Variants in APBB1IP observed in about 807,000 individuals in gnomAD.
APBB1IP encodes amyloid beta A4 precursor protein-binding family B member 1-interacting protein.
Under a neutral mutation model 64.9 loss-of-function variants are expected in APBB1IP, and 27 were observed. The observed-to-expected ratio is 0.42, with a 90% CI of 0.31 to 0.57. APBB1IP has a LOEUF of 0.57. Ranked by LOEUF, APBB1IP falls within the 20% of genes least tolerant of loss-of-function variation. APBB1IP has a pLI of 0.20. For synonymous variants in APBB1IP, 392 were observed against 331.0 expected, an observed-to-expected ratio of 1.18 and a Z score of -2.00; for missense variants, 812 against 845.5, an observed-to-expected ratio of 0.96 and a Z score of 0.49.
chr10:26,451,009 C>T lies in APBB1IP; in HGVS notation c.-1+12156C>T, dbSNP rs185380803. 5.2e-4 allele frequency among the ~76,000 whole-genome samples: 79 copies of T among 152,180 alleles called. No homozygotes were observed. In the East Asian group the frequency reaches 0.013, roughly 24 times the overall value. On this transcript the variant is annotated intron_variant, in intron 2 of 14. Coordinates refer to ENST00000376236, the MANE Select transcript of APBB1IP (RefSeq NM_019043.4). Reference sequence around the variant, plus strand: ...CCGTGCCTGGCCTAGAACTCAGATTCTGTTTCAAGCAATGAGATGCAGGTG... The same window carrying T: ...CCGTGCCTGGCCTAGAACTCAGATTTTGTTTCAAGCAATGAGATGCAGGTG...
chr10:26,487,617 G>A (rs747283739), intron 2 of APBB1IP, among the ~76,000 whole-genome samples: 13 of 152,142 alleles, frequency 8.5e-5, no homozygotes, highest in Admixed American at 2.0e-4. Context: ...ATTTTCACCA[G>A]ATGAATGCAG....
At chr10:26,551,447 G>C (rs549872540) in intron 11 of APBB1IP, among the ~76,000 whole-genome samples, 1 of 152,202 alleles carries the variant, frequency 6.6e-6, no homozygotes, top group East Asian at 1.9e-4. Context: ...GTCCAGCGGG[G>C]CTTCCCAGTC....
Position 26,567,726 on chromosome 10 carries a change from TGCCTAAAGC to T in APBB1IP, c.*241_*249del. On this transcript the variant is annotated 3_prime_UTR_variant, in exon 15 of 15. Coordinates refer to ENST00000376236, the MANE Select transcript of APBB1IP (RefSeq NM_019043.4). ...ATGGAATGTATCTTCCCTTCCAAGC[TGCCTAAAGC>T]GCTGTTTTAGGTTCATTTATTTTAT... 2.1e-6 allele frequency: 2 copies of T among 960,614 alleles called. No homozygotes were observed. The highest frequency in any genetic ancestry group is 2.7e-6 in the Non-Finnish European group (2 of 734,436). 59.5% of individuals were successfully genotyped at this position (960,614 alleles called of 1,614,324 possible).
intron 8 of APBB1IP, among the ~76,000 whole-genome samples, chr10:26,525,949 G>T (rs939215745): frequency 1.3e-5 from 2 of 152,136 alleles, no homozygotes; most frequent in Admixed American, 6.5e-5. Context: ...CTGGGTATAG[G>T]GTGGGCGCCT....
chr10:26,565,078 G>T (rs1320251100), intron 14 of APBB1IP, among the ~76,000 whole-genome samples: 1 of 152,154 alleles, frequency 6.6e-6, no homozygotes, highest in East Asian at 1.9e-4. Context: ...TTGTGCCTAC[G>T]TTTGCACAAA....
intron 2 of APBB1IP, among the ~76,000 whole-genome samples, chr10:26,448,018 G>A (rs748516572): frequency 3.8e-4 from 57 of 151,556 alleles, no homozygotes; most frequent in African/African-American, 1.2e-4. Flanking sequence ...GATTATTTTT[G>A]GATATTTCAT....
chr10:26,522,742 C>A (rs919534140), intron 8 of APBB1IP, among the ~76,000 whole-genome samples: 1 of 151,908 alleles, frequency 6.6e-6, no homozygotes, highest in African/African-American at 2.4e-5. Context: ...GGAGGCCAGG[C>A]ACAGTGGCTC....
chr10:26,468,169 T>C (rs1238792286), intron 2 of APBB1IP, among the ~76,000 whole-genome samples: 1 of 152,228 alleles, frequency 6.6e-6, no homozygotes, highest in African/African-American at 2.4e-5. Flanking sequence ...ATGCTCTTAA[T>C]AGCTAACTTC....
At chr10:26,560,951 A>G (rs894119296) in intron 13 of APBB1IP, 107 bp downstream of exon 13, 5 of 728,780 alleles carry the variant, frequency 6.9e-6, no homozygotes, top group Non-Finnish European at 1.0e-5. Context: ...AGCATTCAGA[A>G]TATGTTTCTC....
intron 8 of APBB1IP, among the ~76,000 whole-genome samples, chr10:26,531,520 AGCCGGGC>A (rs1836553399): frequency 6.6e-6 from 1 of 152,066 alleles, no homozygotes. Flanking sequence ...ACAAAAAATT[AGCCGGGC>A]GCGATGGCGG....
At chr10:26,540,600 G>C (rs1836684966) in intron 10 of APBB1IP, among the ~76,000 whole-genome samples, 1 of 152,028 alleles carries the variant, frequency 6.6e-6, no homozygotes, top group African/African-American at 2.4e-5. Flanking sequence ...TGTAAGAAAA[G>C]AATACAAGCA....
Position 26,440,603 on chromosome 10 carries a change from C to T in APBB1IP, c.-1+1750C>T, listed in dbSNP as rs1175152384. On this transcript the variant is annotated intron_variant, in intron 2 of 14. Coordinates refer to ENST00000376236, the MANE Select transcript of APBB1IP (RefSeq NM_019043.4). ...ATTATATTTTGAAATCTTTAAATTGCTATTTCTCAAGAAATATAACTTTGT... is the reference window on the plus strand; with the variant it reads ...ATTATATTTTGAAATCTTTAAATTGTTATTTCTCAAGAAATATAACTTTGT... Among the ~76,000 whole-genome samples, 3 of 152,246 alleles carry T rather than the reference C, an allele frequency of 2.0e-5. No individual in the cohort carries two copies. The South Asian group carries it at 6.2e-4, about 31-fold the overall frequency.
chr10:26,529,129 T>C (rs1048001323), intron 8 of APBB1IP, among the ~76,000 whole-genome samples: 1 of 152,258 alleles, frequency 6.6e-6, no homozygotes, highest in African/African-American at 2.4e-5. Flanking sequence ...GAGCAAGCTA[T>C]GACCAAGAGT....
chr10:26,521,647 C>A (rs187087183), intron 8 of APBB1IP, among the ~76,000 whole-genome samples: 1 of 152,210 alleles, frequency 6.6e-6, no homozygotes, highest in Non-Finnish European at 1.5e-5. Flanking sequence ...ATCTCAAACT[C>A]TGTGCTTGCG....
At chr10:26,555,175 C>T (rs141297507) in intron 11 of APBB1IP, among the ~76,000 whole-genome samples, 72 of 152,268 alleles carry the variant, frequency 4.7e-4, no homozygotes, top group African/African-American at 1.7e-3. Context: ...TCCCTCAGTT[C>T]GATCTTATTC....
At chr10:26,495,127 C>G (rs1836003962) in intron 3 of APBB1IP, among the ~76,000 whole-genome samples, 1 of 151,618 alleles carries the variant, frequency 6.6e-6, no homozygotes, top group South Asian at 2.1e-4. Context: ...CCTGCCTCAG[C>G]CTCCCGAGTA....
intron 8 of APBB1IP, among the ~76,000 whole-genome samples, chr10:26,531,367 T>C (rs1011113918): frequency 4.0e-5 from 6 of 151,272 alleles, no homozygotes; most frequent in Non-Finnish European, 1.5e-5. Flanking sequence ...CTTGACTTAT[T>C]TCCTCTATTT....
At position 26,560,184 on chromosome 10, in the gene APBB1IP, T is replaced by C. The variant is rs753511639; in HGVS notation, c.1235T>C (p.Met412Thr). 1 of 1,614,138 alleles carries C rather than the reference T, an allele frequency of 6.2e-7. No homozygotes were observed. The highest frequency in any genetic ancestry group is 1.7e-5 in the Admixed American group (1 of 60,018). ...ACAAGAACCCTTAACCAGTGGGTCA[T>C]GGGAATACGGATAGCCAAGGTGAGA... is the stretch of plus-strand genomic sequence containing the variant. Reference protein sequence around the residue: ...DDTRTLNQWVMGIRIAKYGKT... With the variant: ...DDTRTLNQWVTGIRIAKYGKT... Residue 412 changes from methionine (M) to threonine (T), a missense_variant, in exon 12 of 15, where the codon ATG becomes ACG. Around this residue, in one of 3 missense-constraint regions of APBB1IP, gnomAD observed 37 missense variants for 80.4 expected, o/e 0.46. Transcript: ENST00000376236.
intron 2 of APBB1IP, among the ~76,000 whole-genome samples, chr10:26,444,389 T>C (rs966616117): frequency 2.0e-5 from 3 of 152,146 alleles, no homozygotes; most frequent in African/African-American, 7.2e-5. Context: ...ATGATCTGAC[T>C]TAAGGCTCAC....
Sources: allele counts gnomAD v4.1 joint callset (sites outside exome capture counted in the v4.1 genomes callset), GRCh38; gene constraint gnomAD v4.1.1; regional missense constraint gnomAD v4.1.1; transcripts MANE v1.5; gene names NCBI Gene and HGNC (gene_info 2026-07-23, HGNC 2026-07-21).